OR51B5: variants seen among roughly 807,000 people sequenced by gnomAD.
OR51B5 encodes the protein olfactory receptor 51B5.
For missense variants in OR51B5, 456 were observed against 374.6 expected, an observed-to-expected ratio of 1.22 and a Z score of -1.79; for synonymous variants, 186 against 144.8, an observed-to-expected ratio of 1.28 and a Z score of -2.04.
At chr11:5,448,815 C>T (rs1273957886) in intron 1 of OR51B5, among the ~76,000 whole-genome samples, 1 of 152,184 alleles carries the variant, frequency 6.6e-6, no homozygotes, top group East Asian at 1.9e-4. Flanking sequence ...GGATGTAGCT[C>T]TGAATGCTGG....
intron 1 of OR51B5, among the ~76,000 whole-genome samples, chr11:5,446,651 G>A (rs1850768012): frequency 1.3e-5 from 2 of 152,280 alleles, no homozygotes; most frequent in Non-Finnish European, 2.9e-5. Flanking sequence ...AAATTTTTCA[G>A]TTGAAGCTAT....
At position 5,408,779 on chromosome 11, in the gene OR51B5, G is replaced by T. The variant is rs60758087; in HGVS notation, n.85-61869C>A. ...TGACTCCAGATTTATTATCAACTCA[G>T]CCTTAATCTCACTTTCTGTAGACAA... On this transcript the variant is annotated intron_variant and non_coding_transcript_variant, in intron 1 of 4. Coordinates refer to the OR51B5 transcript ENST00000415970. Among the ~76,000 whole-genome samples, 5,905 of 152,144 alleles carry T rather than the reference G, an allele frequency of 0.039. 515 individuals are homozygous for T. The East Asian group carries it at 0.4, about 10-fold the overall frequency.
At position 5,374,258 on chromosome 11, in the gene OR51B5, T is replaced by G. The variant is rs563621971; in HGVS notation, n.85-27348A>C. Among the ~76,000 whole-genome samples the G allele has an allele frequency of 7.5e-3, 1,147 of 152,224 alleles. 11 individuals are homozygous for G. The highest frequency in any genetic ancestry group is 0.012 in the Non-Finnish European group (805 of 68,010). ...GACCTCTAGCAAACTCCAACAGACCTGCAGCTGAGGGTCCTGTCTGTTAGA... is the reference window on the plus strand; with the variant it reads ...GACCTCTAGCAAACTCCAACAGACCGGCAGCTGAGGGTCCTGTCTGTTAGA... On this transcript the variant is annotated intron_variant and non_coding_transcript_variant, in intron 1 of 4. Transcript: ENST00000415970.
At chr11:5,387,104 GAAGTT>G (rs1849706849) in intron 1 of OR51B5, among the ~76,000 whole-genome samples, 1 of 152,068 alleles carries the variant, frequency 6.6e-6, no homozygotes, top group Non-Finnish European at 1.5e-5. Context: ...TAATGAATGA[GAAGTT>G]AAGGTGTTCA....
At chr11:5,452,083 T>C (rs1850861263) in intron 1 of OR51B5, among the ~76,000 whole-genome samples, 1 of 152,198 alleles carries the variant, frequency 6.6e-6, no homozygotes, top group African/African-American at 2.4e-5. Flanking sequence ...TCCCCAAGCA[T>C]GTAGATAGAA....
At chr11:5,433,932 T>C (rs1850563269) in intron 1 of OR51B5, among the ~76,000 whole-genome samples, 1 of 152,228 alleles carries the variant, frequency 6.6e-6, no homozygotes. Flanking sequence ...ACACTCTTCA[T>C]GCACCAGCTC....
intron 1 of OR51B5, among the ~76,000 whole-genome samples, chr11:5,478,147 C>A (rs74752463): frequency 1.3e-4 from 19 of 151,518 alleles, no homozygotes; most frequent in Non-Finnish European, 2.1e-4. Flanking sequence ...GTTCTCCCAG[C>A]AAGCAGCTGG....
At chr11:5,447,774 A>G (rs1027145318) in intron 1 of OR51B5, among the ~76,000 whole-genome samples, 2 of 83,212 alleles carry the variant, frequency 2.4e-5, no homozygotes, top group Non-Finnish European at 6.5e-5. Context: ...TTCTTCACCC[A>G]AGTACTAGTG....
intron 1 of OR51B5, among the ~76,000 whole-genome samples, chr11:5,457,810 G>A (rs1020373965): frequency 6.6e-6 from 1 of 152,076 alleles, no homozygotes; most frequent in African/African-American, 2.4e-5. Flanking sequence ...CATTTTTAAT[G>A]GAGTTATGTG....
At chr11:5,352,015 C>CT (rs762524213) in intron 1 of OR51B5, 1 of 1,613,834 alleles carries the variant, frequency 6.2e-7, no homozygotes, top group Non-Finnish European at 8.5e-7. Flanking sequence ...CTGTCGATCC[C>CT]ATGTACTCTC....
Position 5,463,174 on chromosome 11 carries a change from A to G in OR51B5, n.84+42395T>C, listed in dbSNP as rs183430379. Among the ~76,000 whole-genome samples the G allele has an allele frequency of 2.5e-4, 38 of 152,342 alleles. No homozygotes were observed. In the South Asian group the frequency reaches 3.7e-3, roughly 15 times the overall value. On this transcript the variant is annotated intron_variant and non_coding_transcript_variant, in intron 1 of 4. Coordinates refer to the OR51B5 transcript ENST00000415970. ...ATGAAATAGAATAAATTATCCATTG[A>G]ATAGGCAATTAATTAGTTCATTTGA...
chr11:5,396,038 C>T (rs1359603381), intron 1 of OR51B5, among the ~76,000 whole-genome samples: 1 of 152,150 alleles, frequency 6.6e-6, no homozygotes, highest in African/African-American at 2.4e-5. Flanking sequence ...TAAGATTAAT[C>T]AGATACTTTG....
intron 1 of OR51B5, among the ~76,000 whole-genome samples, chr11:5,394,347 T>C (rs972734275): frequency 6.6e-6 from 1 of 152,140 alleles, no homozygotes; most frequent in African/African-American, 2.4e-5. Flanking sequence ...CTGACTGTGG[T>C]GCTTGTAGTT....
rs1448262583 is a variant in OR51B5 at position 5,351,410 on chromosome 11, AT to A, written n.85-4501del. 1.7e-4 allele frequency: 142 copies of A among 834,882 alleles called. 1 individual carries two copies. Among genetic ancestry groups the A allele is most frequent in the Non-Finnish European group, 2.4e-4 (127 of 537,112 alleles). 51.7% of individuals were successfully genotyped at this position (834,882 alleles called of 1,614,324 possible). ...TCACTGAAAGTCAGGACTGGTGAACATCTTATGAACAGGTAGAATTCTCAAG... is the reference window on the plus strand; with the variant it reads ...TCACTGAAAGTCAGGACTGGTGAACACTTATGAACAGGTAGAATTCTCAAG... On this transcript the variant is annotated intron_variant and non_coding_transcript_variant, in intron 1 of 4. Transcript: ENST00000415970.
At chr11:5,377,799 A>G (rs904371831) in intron 1 of OR51B5, among the ~76,000 whole-genome samples, 13 of 152,064 alleles carry the variant, frequency 8.5e-5, no homozygotes, top group African/African-American at 2.7e-4. Flanking sequence ...CCACTGCTCA[A>G]TGAAATAAAA....
rs770666777 is a variant in OR51B5 at position 5,423,180 on chromosome 11, C to G, written n.85-76270G>C. 7.7e-5 allele frequency: 120 copies of G among 1,552,998 alleles called. 1 individual carries two copies. The Middle Eastern group carries it at 1.2e-3, about 16-fold the overall frequency. On this transcript the variant is annotated intron_variant and non_coding_transcript_variant, in intron 1 of 4. Transcript: ENST00000415970. ...GGGAATGCATTTCTTAAATTACTGA[C>G]AAGTATGAGTCATAGGCTTAAGGGG...
At chr11:5,404,102 C>G (rs896952573) in intron 1 of OR51B5, among the ~76,000 whole-genome samples, 3 of 145,318 alleles carry the variant, frequency 2.1e-5, no homozygotes, top group African/African-American at 5.1e-5. Context: ...CTGGGATTCT[C>G]CCATCCAGGT....
At chr11:5,472,288 C>G (rs946896860) in intron 1 of OR51B5, among the ~76,000 whole-genome samples, 1 of 152,100 alleles carries the variant, frequency 6.6e-6, no homozygotes. Context: ...GTCTCTCCTT[C>G]AAATCCCTGT....
At chr11:5,374,625 G>C (rs1589960743) in intron 1 of OR51B5, among the ~76,000 whole-genome samples, 2 of 152,192 alleles carry the variant, frequency 1.3e-5, no homozygotes, top group Non-Finnish European at 2.9e-5. Context: ...AACCAATACA[G>C]AGAAGTGCTT....
Sources: allele counts gnomAD v4.1 joint callset (sites outside exome capture counted in the v4.1 genomes callset), GRCh38; gene constraint gnomAD v4.1.1; transcripts MANE v1.5; gene names NCBI Gene and HGNC (gene_info 2026-07-23, HGNC 2026-07-21).